UGT1A8: variants seen among roughly 807,000 people sequenced by gnomAD.
UGT1A8 encodes UDP glucuronosyltransferase family 1 member A8, also known as UDP-glucuronosyltransferase 1A8.
Under a neutral mutation model 45.3 loss-of-function variants are expected in UGT1A8, and 39 were observed. The ratio of observed to expected loss-of-function variants is 0.86; its 90% confidence interval spans 0.67 to 1.12. The LOEUF (loss-of-function observed/expected upper bound fraction) is 1.12, where lower values mean the gene tolerates loss of function less well. Among genes scored for constraint, UGT1A8 ranks in the 50% most tolerant of loss-of-function variants. The pLI, the probability that UGT1A8 is intolerant of heterozygous loss-of-function variation, is 0.00. For synonymous variants in UGT1A8, 275 were observed against 249.2 expected (o/e 1.10, Z -0.97); for missense variants, 719 against 664.9 (o/e 1.08, Z -0.90).
intron 1 of UGT1A8, among the ~76,000 whole-genome samples, chr2:233,748,368 T>C (rs76077604): frequency 0.034 from 5,139 of 151,930 alleles, 164 homozygotes; most frequent in African/African-American, 0.052. Context: ...ATCTTCATGG[T>C]TGTGCATGTC....
chr2:233,772,348 T>C lies in UGT1A8; in HGVS notation c.1382T>C (p.Phe461Ser). ...PLDLAVFWVE[F>S]VMRHKGAPHL... Reference sequence around the variant, plus strand: ...GACCTGGCCGTGTTCTGGGTGGAGTTTGTGATGAGGCACAAGGGCGCGCCA... The same window carrying C: ...GACCTGGCCGTGTTCTGGGTGGAGTCTGTGATGAGGCACAAGGGCGCGCCA... Residue 461 changes from phenylalanine (F) to serine (S), a missense_variant, in exon 5 of 5, where the codon TTT becomes TCT. Physicochemically the swap from Phe to Ser is radical, Grantham distance 155. Transcript: ENST00000373450. 3 of 1,614,234 alleles carry C rather than the reference T, an allele frequency of 1.9e-6. No individual in the cohort carries two copies. In the South Asian group the frequency reaches 3.3e-5, roughly 18 times the overall value.
intron 1 of UGT1A8, chr2:233,672,877 T>C: frequency 6.6e-7 from 1 of 1,515,450 alleles, no homozygotes; most frequent in Non-Finnish European, 8.8e-7. Context: ...TTTGACATTT[T>C]CATTTGTTTC....
Position 233,743,192 on chromosome 2 carries a change from T to C in UGT1A8, c.856-23842T>C, listed in dbSNP as rs560095677. ...AAAGTCAAATGTGGACTGGAATTAC[T>C]TGGTGTCAATGCGGAGTAACTGCTC... On this transcript the variant is annotated intron_variant, in intron 1 of 4. Coordinates refer to ENST00000373450, the MANE Select transcript of UGT1A8 (RefSeq NM_019076.5). The C allele has an allele frequency of 2.2e-3, 846 of 376,748 alleles. 20 individuals carry two copies. The highest frequency in any genetic ancestry group is 0.016 in the South Asian group (827 of 50,812). 23.3% of individuals were successfully genotyped at this position (376,748 alleles called of 1,614,324 possible). A position where few individuals can be genotyped will look rare whatever the true frequency, so the allele number is the denominator to read the frequency against.
Position 233,636,532 on chromosome 2 carries a change from G to T in UGT1A8, c.855+17970G>T, listed in dbSNP as rs756885476. 3.1e-6 allele frequency: 5 copies of T among 1,612,942 alleles called. No individual in the cohort carries two copies. In the African/African-American group the frequency reaches 6.7e-5, roughly 22 times the overall value. On this transcript the variant is annotated intron_variant, in intron 1 of 4. Transcript: ENST00000373450. ...GGGCTGCAGTTCTCTCATGGCTCGCGCAGGGTGGACCAGCCCCGTTCCTTT... is the reference window on the plus strand; with the variant it reads ...GGGCTGCAGTTCTCTCATGGCTCGCTCAGGGTGGACCAGCCCCGTTCCTTT...
chr2:233,693,665 C>G, intron 1 of UGT1A8: 1 of 1,614,238 alleles, frequency 6.2e-7, no homozygotes, highest in Non-Finnish European at 8.5e-7. Context: ...GGAGCCCTAT[C>G]TATTTTATTG....
chr2:233,670,613 G>T lies in UGT1A8; in HGVS notation c.855+52051G>T, dbSNP rs910138429. On this transcript the variant is annotated intron_variant, in intron 1 of 4. Coordinates refer to ENST00000373450, the MANE Select transcript of UGT1A8 (RefSeq NM_019076.5). ...ATTCAAAAGCACTCATCTCCATCAA[G>T]TCATCTTCTGTTGATTCCTCTGGTG... Among the ~76,000 whole-genome samples the T allele has an allele frequency of 2.0e-5, 3 of 152,168 alleles. No individual in the cohort carries two copies. In the East Asian group the frequency reaches 5.8e-4, roughly 29 times the overall value.
intron 1 of UGT1A8, chr2:233,672,472 G>A (rs2074228184): frequency 1.9e-6 from 3 of 1,613,866 alleles, no homozygotes; most frequent in East Asian, 4.5e-5. Context: ...TCTTGAAGAA[G>A]GTGCACAGTG....
rs553005708 is a variant in UGT1A8 at position 233,620,542 on chromosome 2, A to C, written c.855+1980A>C. Among the ~76,000 whole-genome samples, 119 of 152,336 alleles carry C rather than the reference A, an allele frequency of 7.8e-4. 2 individuals are homozygous for C. In the Middle Eastern group the frequency reaches 0.01, roughly 13 times the overall value. On this transcript the variant is annotated intron_variant, in intron 1 of 4. Transcript: ENST00000373450. ...ATAAAAAAAGGAAACATTAAACTCT[A>C]CATGGTTTCAGTTATTTTGATTATA...
chr2:233,626,890 G>T (rs1363602398), intron 1 of UGT1A8, among the ~76,000 whole-genome samples: 2 of 152,036 alleles, frequency 1.3e-5, no homozygotes, highest in Non-Finnish European at 2.9e-5. Context: ...TCCCTTACTG[G>T]CAATGCATTT....
intron 1 of UGT1A8, among the ~76,000 whole-genome samples, chr2:233,624,929 A>T (rs1011216236): frequency 4.6e-5 from 7 of 151,998 alleles, no homozygotes; most frequent in Non-Finnish European, 8.8e-5. Flanking sequence ...CCAATTTTTA[A>T]TTGTTCATTG....
chr2:233,761,112 T>C (rs762490577), intron 1 of UGT1A8: 2 of 1,614,122 alleles, frequency 1.2e-6, no homozygotes, highest in Non-Finnish European at 1.7e-6. Flanking sequence ...TGGTTTTTGT[T>C]GGTGGAATCA....
At chr2:233,672,833 G>T in intron 1 of UGT1A8, 3 of 1,552,090 alleles carry the variant, frequency 1.9e-6, no homozygotes, top group Non-Finnish European at 1.7e-6. Context: ...CTTCACCTTT[G>T]GAAATTAAAA....
chr2:233,637,622 G>A (rs190781596), intron 1 of UGT1A8, among the ~76,000 whole-genome samples: 44 of 152,076 alleles, frequency 2.9e-4, no homozygotes, highest in African/African-American at 1.0e-3. Flanking sequence ...TTTAAAATAC[G>A]ATGTTTAGAA....
At chr2:233,751,152 G>T (rs1694652317) in intron 1 of UGT1A8, among the ~76,000 whole-genome samples, 1 of 151,956 alleles carries the variant, frequency 6.6e-6, no homozygotes, top group Non-Finnish European at 1.5e-5. Flanking sequence ...GCCCACTTCT[G>T]GCATCAGCAT....
At position 233,713,288 on chromosome 2, in the gene UGT1A8, G is replaced by A. The variant is rs767329942; in HGVS notation, c.856-53746G>A. ...GCCTTTTGCTGGGTCACACTCAATC[G>A]TTCTTTGAAACAGAACATCTTCTGA... On this transcript the variant is annotated intron_variant, in intron 1 of 4. Coordinates refer to ENST00000373450, the MANE Select transcript of UGT1A8 (RefSeq NM_019076.5). 15 of 1,614,084 alleles carry A rather than the reference G, an allele frequency of 9.3e-6. 1 individual carries two copies. The highest frequency in any genetic ancestry group is 6.6e-5 in the South Asian group (6 of 91,090).
At chr2:233,660,777 A>G (rs1480238707) in intron 1 of UGT1A8, among the ~76,000 whole-genome samples, 2 of 152,060 alleles carry the variant, frequency 1.3e-5, no homozygotes, top group Admixed American at 1.3e-4. Flanking sequence ...TTTTGCATGA[A>G]TTAAAAACTG....
chr2:233,641,979 G>A (rs1228504431), intron 1 of UGT1A8, among the ~76,000 whole-genome samples: 1 of 152,046 alleles, frequency 6.6e-6, no homozygotes, highest in African/African-American at 2.4e-5. Context: ...AATGCCTTGA[G>A]GTAGTTTTCT....
intron 1 of UGT1A8, among the ~76,000 whole-genome samples, chr2:233,736,004 C>T (rs1319353542): frequency 6.6e-6 from 1 of 152,188 alleles, no homozygotes; most frequent in Non-Finnish European, 1.5e-5. Context: ...TTGTTCTTCT[C>T]GAGGAGTATC....
intron 1 of UGT1A8, among the ~76,000 whole-genome samples, chr2:233,660,778 T>A: frequency 6.6e-6 from 1 of 152,140 alleles, no homozygotes; most frequent in East Asian, 1.9e-4. Context: ...TTTGCATGAA[T>A]TAAAAACTGG....
Sources: gnomAD v4.1 joint callset for allele counts (sites outside exome capture counted in the v4.1 genomes callset) on GRCh38, gnomAD v4.1.1 for gene constraint, MANE v1.5 for transcripts, NCBI Gene and HGNC (gene_info 2026-07-23, HGNC 2026-07-21) for gene names.